Variants in WDFY3 observed in about 807,000 individuals in gnomAD.
WDFY3 encodes the protein WD repeat and FYVE domain-containing protein 3.
In WDFY3, 66 loss-of-function variants were observed where a neutral mutation model predicts 409.6. The observed-to-expected ratio is 0.16, with a 90% CI of 0.13 to 0.20. The LOEUF is 0.20. WDFY3 is among the 10% of genes least tolerant of loss of function. The pLI is 1.00. For synonymous variants in WDFY3, 1,521 were observed against 1,537.1 expected (o/e 0.99, Z 0.25); for missense variants, 3,031 against 4,298.1 (o/e 0.71, Z 8.24).
intron 3 of WDFY3, among the ~76,000 whole-genome samples, chr4:84,885,517 G>A (rs1050702944): frequency 1.3e-5 from 2 of 151,876 alleles, no homozygotes; most frequent in African/African-American, 4.8e-5. Flanking sequence ...GAACACAATA[G>A]AAGATATTTA....
chr4:84,864,970 T>A (rs887193553), intron 3 of WDFY3, among the ~76,000 whole-genome samples: 1 of 152,052 alleles, frequency 6.6e-6, no homozygotes, highest in African/African-American at 2.4e-5. Flanking sequence ...GCTCACTGCA[T>A]CCTCGAACTC....
chr4:84,927,473 G>T (rs546691485), intron 2 of WDFY3, among the ~76,000 whole-genome samples: 1 of 152,258 alleles, frequency 6.6e-6, no homozygotes, highest in East Asian at 1.9e-4. Flanking sequence ...TATGATGGTG[G>T]TTGATTTGGA....
intron 2 of WDFY3, among the ~76,000 whole-genome samples, chr4:84,916,614 G>T (rs1436234948): frequency 1.3e-5 from 2 of 152,124 alleles, no homozygotes; most frequent in Non-Finnish European, 2.9e-5. Flanking sequence ...CAAGAATGTT[G>T]TTCCAAATAG....
intron 32 of WDFY3, among the ~76,000 whole-genome samples, chr4:84,765,182 A>G (rs1392589274): frequency 6.6e-6 from 1 of 152,192 alleles, no homozygotes; most frequent in Non-Finnish European, 1.5e-5. Flanking sequence ...TTCCAAAGTA[A>G]TATTACTAAT....
intron 59 of WDFY3, 42 bp downstream of exon 59, chr4:84,692,843 C>T: frequency 6.5e-7 from 1 of 1,543,762 alleles, no homozygotes; most frequent in South Asian, 1.2e-5. Context: ...ATTAACAATC[C>T]CATTAAATCA....
At chr4:84,892,506 AT>A (rs1017368377) in intron 3 of WDFY3, among the ~76,000 whole-genome samples, 2 of 152,120 alleles carry the variant, frequency 1.3e-5, no homozygotes, top group African/African-American at 4.8e-5. Flanking sequence ...GTCATGGTTG[AT>A]TTTTATAGAT....
chr4:84,747,816 A>C (rs1739755479), intron 36 of WDFY3, among the ~76,000 whole-genome samples: 1 of 151,996 alleles, frequency 6.6e-6, no homozygotes, highest in Admixed American at 6.5e-5. Context: ...CATGACTGTA[A>C]GTTTCCTGAG....
At chr4:84,816,069 CT>C (rs1402991753) in intron 13 of WDFY3, among the ~76,000 whole-genome samples, 1 of 151,962 alleles carries the variant, frequency 6.6e-6, no homozygotes, top group Non-Finnish European at 1.5e-5. Flanking sequence ...CTCTTCTTTA[CT>C]TTTTCAAGGC....
At chr4:84,913,721 G>A (rs370091545) in intron 2 of WDFY3, among the ~76,000 whole-genome samples, 4 of 150,880 alleles carry the variant, frequency 2.7e-5, no homozygotes, top group Non-Finnish European at 4.4e-5. Flanking sequence ...GTGGAAGAAG[G>A]ATTGGAAAAG....
In WDFY3 at chr4:84,736,327, G is replaced by A; in HGVS notation, c.6758C>T (p.Ala2253Val). ...TCGACTTATGCATTTCTTTTCATGG[G>A]CTATTAAAAAATCAAATTAGATTAT... ...AALKCWQNHL[A>V]HEKKCISRGE... The change falls in exon 42 of 68, where the codon GCC becomes GTC. Residue 2253 changes from alanine (A) to valine (V), a missense_variant and splice_region_variant. By Grantham distance (64) the Ala-to-Val change is moderately conservative. Transcript: ENST00000295888. 1 of 1,573,974 alleles carries A rather than the reference G, an allele frequency of 6.4e-7. No individual in the cohort carries two copies. Among genetic ancestry groups the A allele is most frequent in the South Asian group, 1.2e-5 (1 of 81,608 alleles).
intron 2 of WDFY3, among the ~76,000 whole-genome samples, chr4:84,921,114 G>A (rs2150857308): frequency 6.6e-6 from 1 of 152,042 alleles, no homozygotes; most frequent in South Asian, 2.1e-4. Context: ...ATCTTCAGAA[G>A]CAAATAAGCA....
chr4:84,868,127 A>G (rs11735743), intron 3 of WDFY3, among the ~76,000 whole-genome samples: 61,274 of 140,240 alleles, frequency 0.44, 13,561 homozygotes, highest in African/African-American at 0.53. Flanking sequence ...AGCCGAGATC[A>G]TGCCACTGCA....
rs891514944 is a variant in WDFY3, at chr4:84,927,593, G to A, written c.-132+4677C>T. On this transcript the variant is annotated intron_variant, in intron 2 of 67. Transcript: ENST00000295888. ...CCCATAATCCCCATGTGTCAAGGGC[G>A]GGGCCAGGTGGAGGTAATTGGATCA... Among the ~76,000 whole-genome samples the A allele has an allele frequency of 9.2e-5, 14 of 152,138 alleles. 1 individual carries two copies. Among genetic ancestry groups the A allele is most frequent in the Admixed American group, 5.2e-4 (8 of 15,280 alleles).
chr4:84,853,017 C>T (rs1479712110), intron 4 of WDFY3, among the ~76,000 whole-genome samples: 2 of 152,058 alleles, frequency 1.3e-5, no homozygotes, highest in Non-Finnish European at 2.9e-5. Context: ...TGATGGCCTC[C>T]CAGAGTGCTG....
intron 50 of WDFY3, among the ~76,000 whole-genome samples, chr4:84,714,819 G>A (rs1268415955): frequency 2.0e-5 from 3 of 151,840 alleles, no homozygotes; most frequent in Non-Finnish European, 2.9e-5. Flanking sequence ...GGATGGTGGC[G>A]GGTGCCTGCA....
At chr4:84,745,094 T>A (rs1033083763) in intron 36 of WDFY3, among the ~76,000 whole-genome samples, 1 of 151,912 alleles carries the variant, frequency 6.6e-6, no homozygotes, top group African/African-American at 2.4e-5. Context: ...TGTAGTCTAC[T>A]GACAACAATT....
Position 84,798,038 on chromosome 4 carries a change from C to T in WDFY3, c.2893G>A (p.Val965Ile), listed in dbSNP as rs1160161767. ...WDKKLLKQYR[V>I]HKPSSLSYEP... ...TAACTCAGTGAACTTGGTTTGTGGACCCTATATTGTTTTAGCAGTTTTTTG... is the reference window on the plus strand; with the variant it reads ...TAACTCAGTGAACTTGGTTTGTGGATCCTATATTGTTTTAGCAGTTTTTTG... Residue 965 changes from valine to isoleucine, a missense_variant, in exon 18 of 68, where the codon GTC becomes ATC. Val to Ile is a conservative substitution (Grantham distance 29, BLOSUM62 3). Around this residue, in one of 16 missense-constraint regions of WDFY3, gnomAD observed 1,322 missense variants for 1,697.9 expected, o/e 0.78. Coordinates refer to ENST00000295888, the MANE Select transcript of WDFY3 (RefSeq NM_014991.6). 3 of 1,613,204 alleles carry T rather than the reference C, an allele frequency of 1.9e-6. No homozygotes were observed. The highest frequency in any genetic ancestry group is 1.3e-5 in the African/African-American group (1 of 74,890).
At chr4:84,929,635 C>A (rs755815266) in intron 2 of WDFY3, among the ~76,000 whole-genome samples, 19 of 152,072 alleles carry the variant, frequency 1.2e-4, no homozygotes, top group Non-Finnish European at 2.1e-4. Flanking sequence ...CAGGACCGGG[C>A]GTGGTGGCTC....
intron 40 of WDFY3, 90 bp from the exon 41 acceptor site, chr4:84,737,456 T>C (rs1737642147): frequency 7.2e-7 from 1 of 1,382,248 alleles, no homozygotes. Context: ...CATGTTTACA[T>C]GTGGGAATTT....
Sources: gnomAD v4.1 joint callset for allele counts (sites outside exome capture counted in the v4.1 genomes callset) on GRCh38, gnomAD v4.1.1 for gene constraint, gnomAD v4.1.1 regional missense constraint, MANE v1.5 for transcripts, NCBI Gene and HGNC (gene_info 2026-07-23, HGNC 2026-07-21) for gene names.